LRRC4C: variants seen among roughly 807,000 people sequenced by gnomAD.
The protein encoded by LRRC4C is leucine-rich repeat-containing protein 4C.
In LRRC4C, 5 loss-of-function variants were observed where a neutral mutation model predicts 33.6. That is an observed-to-expected ratio of 0.15 (90% CI 0.08 to 0.31). The LOEUF is 0.31. Among genes scored for constraint, LRRC4C ranks in the 10% least tolerant of loss-of-function variants. The pLI is 1.00. For missense variants in LRRC4C, 560 were observed against 796.7 expected (o/e 0.70, Z 3.58); for synonymous variants, 329 against 302.0 (o/e 1.09, Z -0.93).
chr11:40,436,884 G>T (rs1951162828), intron 3 of LRRC4C, among the ~76,000 whole-genome samples: 1 of 152,126 alleles, frequency 6.6e-6, no homozygotes, highest in South Asian at 2.1e-4. Context: ...TCGAAAGCCT[G>T]ACTGAGAGGC....
chr11:40,162,430 C>T (rs779212389), intron 5 of LRRC4C, among the ~76,000 whole-genome samples: 2 of 152,050 alleles, frequency 1.3e-5, no homozygotes, highest in East Asian at 1.9e-4. Context: ...GGTAAGAGAA[C>T]AAGCAAGCAC....
At chr11:41,066,807 C>A (rs1016043838) in intron 1 of LRRC4C, among the ~76,000 whole-genome samples, 3 of 152,226 alleles carry the variant, frequency 2.0e-5, no homozygotes, top group African/African-American at 7.2e-5. Context: ...TCATATCCAG[C>A]CAAACTAAGT....
At chr11:40,719,951 AATTTG>A (rs1250492153) in intron 2 of LRRC4C, among the ~76,000 whole-genome samples, 1 of 152,152 alleles carries the variant, frequency 6.6e-6, no homozygotes, top group Non-Finnish European at 1.5e-5. Context: ...AAAAAATTTT[AATTTG>A]ATTTAATTTT....
At chr11:40,271,904 G>C (rs922521281) in intron 4 of LRRC4C, among the ~76,000 whole-genome samples, 3 of 152,012 alleles carry the variant, frequency 2.0e-5, no homozygotes, top group Non-Finnish European at 4.4e-5. Context: ...GGCCACTTGT[G>C]GTATCTCCCA....
intron 3 of LRRC4C, among the ~76,000 whole-genome samples, chr11:40,555,000 C>T (rs556943210): frequency 2.1e-5 from 3 of 143,244 alleles, no homozygotes; most frequent in Admixed American, 1.3e-4. Context: ...GGATTACAGG[C>T]GTGAGCCACC....
intron 3 of LRRC4C, among the ~76,000 whole-genome samples, chr11:40,643,907 G>C (rs1025825463): frequency 6.6e-6 from 1 of 152,038 alleles, no homozygotes; most frequent in Admixed American, 6.6e-5. Context: ...ACAATATCCA[G>C]AATCTCATAA....
chr11:41,103,124 C>T (rs1367494347), intron 1 of LRRC4C, among the ~76,000 whole-genome samples: 2 of 151,954 alleles, frequency 1.3e-5, no homozygotes, highest in African/African-American at 4.8e-5. Flanking sequence ...TCTGTGACAA[C>T]ATGGCCTGTT....
At chr11:40,924,790 G>C (rs558270376) in intron 2 of LRRC4C, among the ~76,000 whole-genome samples, 1 of 152,126 alleles carries the variant, frequency 6.6e-6, no homozygotes, top group Non-Finnish European at 1.5e-5. Flanking sequence ...TCAATAAAAA[G>C]TATTTTAAAA....
intron 1 of LRRC4C, among the ~76,000 whole-genome samples, chr11:41,135,937 C>T (rs1483311761): frequency 6.6e-6 from 1 of 152,142 alleles, no homozygotes; most frequent in Non-Finnish European, 1.5e-5. Flanking sequence ...ATGCCCTTTG[C>T]ACCAGTTACA....
intron 1 of LRRC4C, among the ~76,000 whole-genome samples, chr11:41,327,023 G>A (rs568087773): frequency 2.1e-4 from 32 of 152,178 alleles, no homozygotes; most frequent in African/African-American, 7.5e-4. Context: ...TTGATGAGCC[G>A]AGTCCAGTAA....
At chr11:41,441,620 A>AG (rs1246755371) in intron 1 of LRRC4C, among the ~76,000 whole-genome samples, 2 of 151,540 alleles carry the variant, frequency 1.3e-5, no homozygotes, top group African/African-American at 4.8e-5. Context: ...CAGTTAAAAA[A>AG]AAAAAAAAAA....
At chr11:40,271,042 A>T (rs1942657568) in intron 4 of LRRC4C, among the ~76,000 whole-genome samples, 1 of 152,178 alleles carries the variant, frequency 6.6e-6, no homozygotes. Context: ...CTTCAATTTG[A>T]GCAGCCTTTT....
At chr11:40,175,952 A>G (rs907226534) in intron 5 of LRRC4C, among the ~76,000 whole-genome samples, 1 of 152,188 alleles carries the variant, frequency 6.6e-6, no homozygotes, top group African/African-American at 2.4e-5. Flanking sequence ...GGAGCTATAT[A>G]GAGGCTGAGT....
At chr11:40,549,583 A>C (rs1198121905) in intron 3 of LRRC4C, among the ~76,000 whole-genome samples, 1 of 152,182 alleles carries the variant, frequency 6.6e-6, no homozygotes, top group East Asian at 1.9e-4. Context: ...ATCAATGATT[A>C]ATCAACCATG....
chr11:41,456,095 C>T (rs1956164112), intron 1 of LRRC4C, among the ~76,000 whole-genome samples: 1 of 152,148 alleles, frequency 6.6e-6, no homozygotes. Context: ...TGATGGAGAA[C>T]AGTACCAAGG....
intron 2 of LRRC4C, among the ~76,000 whole-genome samples, chr11:40,880,542 T>G (rs1240536712): frequency 1.4e-4 from 1 of 7,340 alleles, no homozygotes; most frequent in Non-Finnish European, 7.2e-4. Context: ...GATTTTTAAA[T>G]GAAAAAAAAA....
intron 3 of LRRC4C, among the ~76,000 whole-genome samples, chr11:40,386,974 CTGATA>C (rs758813208): frequency 2.8e-4 from 42 of 152,106 alleles, no homozygotes; most frequent in Non-Finnish European, 5.7e-4. Flanking sequence ...TGTTTACTGA[CTGATA>C]TGATTTAATT....
At chr11:40,336,156 C>G (rs534905355) in intron 3 of LRRC4C, among the ~76,000 whole-genome samples, 44 of 152,280 alleles carry the variant, frequency 2.9e-4, no homozygotes, top group Admixed American at 5.2e-4. Context: ...AAAATCCCTG[C>G]CTGCATGAAA....
At chr11:41,391,337 G>C (rs1212554581) in intron 1 of LRRC4C, among the ~76,000 whole-genome samples, 1 of 151,898 alleles carries the variant, frequency 6.6e-6, no homozygotes, top group Non-Finnish European at 1.5e-5. Context: ...GAGCAGGGGG[G>C]AGAAGAACTG....
Sources: gnomAD v4.1 joint callset for allele counts (sites outside exome capture counted in the v4.1 genomes callset) on GRCh38, gnomAD v4.1.1 for gene constraint, MANE v1.5 for transcripts, NCBI Gene and HGNC (gene_info 2026-07-23, HGNC 2026-07-21) for gene names.